Variants in NCAPD3 observed in about 807,000 individuals in gnomAD.
NCAPD3 encodes non-SMC condensin II complex subunit D3.
Under a neutral mutation model 182.9 loss-of-function variants are expected in NCAPD3, and 105 were observed. The ratio of observed to expected loss-of-function variants is 0.57; its 90% CI spans 0.49 to 0.68. The LOEUF (loss-of-function observed/expected upper bound fraction) is 0.68. Among genes scored for constraint, NCAPD3 ranks in the 30% least tolerant of loss-of-function variants. The probability of loss-of-function intolerance (pLI) is 0.00; values close to 1 mark genes in which losing one functional copy is unlikely to be tolerated. For synonymous variants in NCAPD3, 815 were observed against 679.9 expected, an observed-to-expected ratio of 1.20 and a Z score of -3.09; for missense variants, 1,944 against 1,837.0, an observed-to-expected ratio of 1.06 and a Z score of -1.07.
rs200078494 is a variant in NCAPD3, at chr11:134,210,462, T to G, written c.383-8A>C. On this transcript the variant is annotated splice_polypyrimidine_tract_variant and splice_region_variant and intron_variant, in intron 3 of 34. Transcript: ENST00000534548. The stretch of plus-strand genomic sequence containing the variant: ...CTTGATTGGCTACACTGCCTATTCA[T>G]GAGGAATAAAGAGTAAGCAAGTTAG... 6.2e-7 allele frequency: 1 copy of G among 1,611,432 alleles called. No individual in the cohort carries two copies. The highest frequency in any genetic ancestry group is 1.7e-5 in the Admixed American group (1 of 59,794).
rs780931398 is a variant in NCAPD3 at position 134,158,464 on chromosome 11, G to A, written c.3899C>T (p.Pro1300Leu). ...CATGGCAGGGTTTTCTTGGCCAGCA[G>A]GAACTGGCACTGTTTCTAAACACAG... ...VALCLETVPVPAGQENPAMSP... is the reference protein window; with the variant it reads ...VALCLETVPVLAGQENPAMSP... The change falls in exon 30 of 35, where the codon CCT (proline) becomes CTT (leucine). Residue 1300 changes from proline to leucine, a missense_variant. Around this residue, in one of 3 missense-constraint regions of NCAPD3, gnomAD observed 1,803 missense variants for 1,674.6 expected, o/e 1.08. Transcript: ENST00000534548. 1 of 1,614,108 alleles carries A rather than the reference G, an allele frequency of 6.2e-7. No individual in the cohort carries two copies. The highest frequency in any genetic ancestry group is 8.5e-7 in the Non-Finnish European group (1 of 1,180,026).
chr11:134,159,732 A>G (rs1001425371), intron 29 of NCAPD3, among the ~76,000 whole-genome samples, 160 bp downstream of exon 29: 1 of 152,248 alleles, frequency 6.6e-6, no homozygotes. Flanking sequence ...CATCACAGAC[A>G]GAAAGGCACG....
intron 24 of NCAPD3, among the ~76,000 whole-genome samples, chr11:134,169,320 TCCAGCTG>T (rs1943950444): frequency 1.3e-5 from 2 of 152,336 alleles, no homozygotes; most frequent in South Asian, 4.1e-4. Flanking sequence ...GGTGTTGTCA[TCCAGCTG>T]CAGTTCAAGT....
rs535153224 is a variant in NCAPD3 at position 134,203,972 on chromosome 11, C to CTAGACCTAGAAAA, written c.1216-67_1216-66insTTTTCTAGGTCTA. 1,808 of 1,601,768 alleles carry CTAGACCTAGAAAA rather than the reference C, an allele frequency of 1.1e-3. 4 individuals are homozygous for CTAGACCTAGAAAA. Among genetic ancestry groups the CTAGACCTAGAAAA allele is most frequent in the South Asian group, 2.5e-3 (227 of 89,592 alleles). On this transcript the variant is annotated intron_variant, in intron 10 of 34. Transcript: ENST00000534548. Reference sequence around the variant, plus strand: ...TAAGAACCAAAGAACCCTCCTCATTCAGACCTAGAAAAAGAGACCCTTTTA... The same window carrying CTAGACCTAGAAAA: ...TAAGAACCAAAGAACCCTCCTCATTCTAGACCTAGAAAAAGACCTAGAAAAAGAGACCCTTTTA...
chr11:134,218,753 T>TA (rs1938119015), intron 2 of NCAPD3, among the ~76,000 whole-genome samples: 1 of 152,200 alleles, frequency 6.6e-6, no homozygotes, highest in Admixed American at 6.5e-5. Flanking sequence ...CCCTAGTTTT[T>TA]AGTCTTCCTT....
rs1219337549 is a variant in NCAPD3, at chr11:134,184,749, G to T, written c.2339C>A (p.Ala780Asp). The T allele has an allele frequency of 1.9e-6, 3 of 1,611,812 alleles. No homozygotes were observed. In the African/African-American group the frequency reaches 4.0e-5, roughly 22 times the overall value. The change falls in exon 19 of 35, where the codon GCT becomes GAT. Residue 780 changes from alanine to aspartate, a missense_variant. Physicochemically the swap from Ala to Asp is moderately radical, Grantham distance 126. Around this residue, in one of 3 missense-constraint regions of NCAPD3, gnomAD observed 1,803 missense variants for 1,674.6 expected, o/e 1.08. Transcript: ENST00000534548. ...PKSTRDKVTD[A>D]VKCKLNGFQW... ...AAATCCATTCAGCTTACACTTGACA[G>T]CATCTATGAAGGAAGTCAAAACCCC...
At position 134,192,874 on chromosome 11, in the gene NCAPD3, C is replaced by G. The variant is rs759008281; in HGVS notation, c.1860G>C (p.Trp620Cys). The change falls in exon 16 of 35, where the codon TGG (tryptophan) becomes TGC (cysteine). Residue 620 changes from tryptophan (W) to cysteine (C), a missense_variant. Physicochemically the swap from Trp to Cys is radical, Grantham distance 215. Around this residue, in one of 3 missense-constraint regions of NCAPD3, gnomAD observed 1,803 missense variants for 1,674.6 expected, o/e 1.08. Coordinates refer to ENST00000534548, the MANE Select transcript of NCAPD3 (RefSeq NM_015261.3). ...QPRCVQIQKA[W>C]LRGVVPVVMD... ...TCACCACCGGGACCACCCCCCGCAA[C>G]CAGGCTTTCTGGATCTGCACGCATC... 5 of 1,613,584 alleles carry G rather than the reference C, an allele frequency of 3.1e-6. No homozygotes were observed. The African/African-American group carries it at 4.0e-5, about 13-fold the overall frequency.
intron 27 of NCAPD3, among the ~76,000 whole-genome samples, chr11:134,166,061 G>A (rs1291186880): frequency 6.6e-5 from 6 of 90,842 alleles, no homozygotes; most frequent in Non-Finnish European, 1.1e-4. Context: ...TGAGCTTGGG[G>A]GAGCAGCACA....
Position 134,157,115 on chromosome 11 carries a change from G to A in NCAPD3, c.4175-20C>T. ...AAGACACTAGAACAGAAAAGGTGCT[G>A]CTATCCAGAAATACCCCCAAACAAT... On this transcript the variant is annotated intron_variant, in intron 31 of 34. Transcript: ENST00000534548. 1.3e-6 allele frequency: 2 copies of A among 1,593,378 alleles called. No individual in the cohort carries two copies. The highest frequency in any genetic ancestry group is 1.7e-6 in the Non-Finnish European group (2 of 1,164,832).
At position 134,203,786 on chromosome 11, in the gene NCAPD3, G is replaced by A. The variant is rs1406340162; in HGVS notation, c.1336C>T (p.Gln446Ter). Residue 446 changes from glutamine (Q) to a stop codon, truncating the protein, a stop_gained, in exon 11 of 35, where the codon CAG becomes TAG. Coordinates refer to ENST00000534548, the MANE Select transcript of NCAPD3 (RefSeq NM_015261.3). LOFTEE classifies it high-confidence loss of function. Reference sequence around the variant, plus strand: ...AAGCAACGATCAAACATAATTTCCTGCACCAGGAACTTATGCTTTAAGAAC... The same window carrying A: ...AAGCAACGATCAAACATAATTTCCTACACCAGGAACTTATGCTTTAAGAAC... ...QKFLKHKFLV[Q>*]EIMFDRCLDK... The A allele has an allele frequency of 6.2e-7, 1 of 1,614,138 alleles. No individual in the cohort carries two copies. The highest frequency in any genetic ancestry group is 1.7e-5 in the Admixed American group (1 of 60,018).
chr11:134,203,732 C>A lies in NCAPD3; in HGVS notation c.1390G>T (p.Ala464Ser). 6.2e-7 allele frequency: 1 copy of A among 1,614,146 alleles called. No homozygotes were observed. The highest frequency in any genetic ancestry group is 8.5e-7 in the Non-Finnish European group (1 of 1,180,034). The change falls in exon 11 of 35, where the codon GCA (alanine) becomes TCA (serine). Residue 464 changes from alanine to serine, a missense_variant. Coordinates refer to ENST00000534548, the MANE Select transcript of NCAPD3 (RefSeq NM_015261.3). ...LDKAPTVRSK[A>S]LSSFAHCLEL... ...AGACAGTGTGCAAAGCTGGACAGTG[C>A]CTTGCTGCGGACAGTAGGCGCCTTG...
At chr11:134,201,864 G>A (rs1384278906) in intron 13 of NCAPD3, among the ~76,000 whole-genome samples, 1 of 152,216 alleles carries the variant, frequency 6.6e-6, no homozygotes, top group African/African-American at 2.4e-5. Context: ...CTGAATTGGA[G>A]TAATACATGC....
intron 4 of NCAPD3, 118 bp downstream of exon 4, chr11:134,210,152 G>A: frequency 1.2e-6 from 1 of 826,100 alleles, no homozygotes; most frequent in Non-Finnish European, 1.9e-6. Context: ...GCTTATGATG[G>A]TTTAGGACCA....
At chr11:134,181,866 T>C (rs1425542384) in intron 19 of NCAPD3, among the ~76,000 whole-genome samples, 1 of 152,148 alleles carries the variant, frequency 6.6e-6, no homozygotes, top group Non-Finnish European at 1.5e-5. Flanking sequence ...AATGATGACA[T>C]TATGTTGAAA....
At chr11:134,184,277 G>A (rs1236512562) in intron 19 of NCAPD3, among the ~76,000 whole-genome samples, 1 of 152,234 alleles carries the variant, frequency 6.6e-6, no homozygotes, top group African/African-American at 2.4e-5. Context: ...GGAACTTCCT[G>A]CTTAAGTGGA....
chr11:134,196,183 A>G (rs557900723), intron 13 of NCAPD3, among the ~76,000 whole-genome samples: 117 of 152,336 alleles, frequency 7.7e-4, no homozygotes, highest in Non-Finnish European at 1.4e-3. Flanking sequence ...CCTTACATAA[A>G]TAAAAAGGAT....
In NCAPD3 at chr11:134,150,400, G is replaced by GC. The variant is rs961592232; in HGVS notation, c.*2543dup. 2 of 152,312 alleles carry GC rather than the reference G, an allele frequency of 1.3e-5. No individual in the cohort carries two copies. The highest frequency in any genetic ancestry group is 4.8e-5 in the African/African-American group (2 of 41,450). 9.4% of individuals were successfully genotyped at this position (152,312 alleles called of 1,614,324 possible). ...CAGTCAGCTCCTGGGGTTGCGCCAG[G>GC]CGCCCCCGCTCTAGCTCACTGTTGC... is the stretch of plus-strand genomic sequence containing the variant. On this transcript the variant is annotated 3_prime_UTR_variant, in exon 35 of 35. Coordinates refer to ENST00000534548, the MANE Select transcript of NCAPD3 (RefSeq NM_015261.3).
intron 16 of NCAPD3, among the ~76,000 whole-genome samples, chr11:134,186,404 G>T (rs1332562187): frequency 1.3e-5 from 2 of 152,066 alleles, no homozygotes; most frequent in East Asian, 3.9e-4. Flanking sequence ...CTTGAGACAG[G>T]GTCTCACTAT....
chr11:134,184,489 A>C (rs931097283), intron 19 of NCAPD3, 148 bp downstream of exon 19: 1 of 587,236 alleles, frequency 1.7e-6, no homozygotes, highest in Non-Finnish European at 3.0e-6. Context: ...CTAGTTATGT[A>C]AACCTTGCCT....
Sources: gnomAD v4.1 joint callset for allele counts (sites outside exome capture counted in the v4.1 genomes callset) on GRCh38, gnomAD v4.1.1 for gene constraint, gnomAD v4.1.1 regional missense constraint, MANE v1.5 for transcripts, NCBI Gene and HGNC (gene_info 2026-07-23, HGNC 2026-07-21) for gene names.